PRKCE: variants seen among roughly 807,000 people sequenced by gnomAD.
The protein encoded by PRKCE is protein kinase C epsilon, also known as protein kinase C epsilon type.
A neutral mutation model predicts 85.4 loss-of-function variants in PRKCE; 16 were observed. The ratio of observed to expected loss-of-function variants is 0.19; its 90% CI spans 0.13 to 0.28. PRKCE has a LOEUF of 0.28. Ranked by LOEUF, PRKCE falls within the 10% of genes least tolerant of loss-of-function variation. The pLI is 1.00. For missense variants in PRKCE, 573 were observed against 975.2 expected, an observed-to-expected ratio of 0.59 and a Z score of 5.49; for synonymous variants, 388 against 371.5, an observed-to-expected ratio of 1.04 and a Z score of -0.51.
chr2:45,960,780 C>T (rs922271079), intron 2 of PRKCE, among the ~76,000 whole-genome samples: 12 of 152,204 alleles, frequency 7.9e-5, no homozygotes, highest in African/African-American at 2.9e-4. Flanking sequence ...GCCAAGCACC[C>T]ATCAGCCTTT....
chr2:46,034,949 A>G (rs1044634809), intron 10 of PRKCE, among the ~76,000 whole-genome samples: 3 of 152,330 alleles, frequency 2.0e-5, no homozygotes, highest in African/African-American at 2.4e-5. Flanking sequence ...TAGCCCTACT[A>G]TGTGTGGTCT....
intron 1 of PRKCE, among the ~76,000 whole-genome samples, chr2:45,671,517 A>G (rs1676158263): frequency 6.6e-6 from 1 of 152,206 alleles, no homozygotes; most frequent in Non-Finnish European, 1.5e-5. Flanking sequence ...AGGCAATCAA[A>G]TGAATCAAAA....
intron 2 of PRKCE, among the ~76,000 whole-genome samples, chr2:45,889,159 G>T (rs747349599): frequency 4.6e-5 from 7 of 152,222 alleles, no homozygotes; most frequent in Non-Finnish European, 1.0e-4. Flanking sequence ...TGGGGCAGGA[G>T]CTCAGCGACT....
At chr2:45,900,004 A>T (rs1573802758) in intron 2 of PRKCE, among the ~76,000 whole-genome samples, 1 of 152,292 alleles carries the variant, frequency 6.6e-6, no homozygotes, top group Middle Eastern at 3.4e-3. Context: ...CTGACTATAT[A>T]TTGCACAGTA....
chr2:45,990,460 A>G (rs1243127239), intron 6 of PRKCE, among the ~76,000 whole-genome samples: 2 of 152,164 alleles, frequency 1.3e-5, no homozygotes, highest in African/African-American at 4.8e-5. Context: ...GGCAATCAGG[A>G]GGCAGCTTAG....
At chr2:45,794,082 G>C (rs1381095686) in intron 1 of PRKCE, among the ~76,000 whole-genome samples, 1 of 152,228 alleles carries the variant, frequency 6.6e-6, no homozygotes, top group African/African-American at 2.4e-5. Flanking sequence ...CCCAGCTAGA[G>C]AAGCAGGGAG....
rs527960368 is a variant in PRKCE at position 46,017,476 on chromosome 2, C to T, written c.1437+6959C>T. On this transcript the variant is annotated intron_variant, in intron 10 of 14. Coordinates refer to ENST00000306156, the MANE Select transcript of PRKCE (RefSeq NM_005400.3). ...CTATGGATGGACATTTTGACTTCCA[C>T]GTTTTGGCTACTATGAATAATGCTG... is the stretch of plus-strand genomic sequence containing the variant. Among the ~76,000 whole-genome samples, 9 of 152,296 alleles carry T rather than the reference C, an allele frequency of 5.9e-5. 1 individual carries two copies. The highest frequency in any genetic ancestry group is 2.1e-4 in the South Asian group (1 of 4,820).
intron 14 of PRKCE, among the ~76,000 whole-genome samples, chr2:46,183,535 G>T (rs1558538240): frequency 6.6e-6 from 1 of 152,060 alleles, no homozygotes; most frequent in Non-Finnish European, 1.5e-5. Context: ...AATCTTCTGG[G>T]CATTGTGCTC....
At chr2:45,934,198 A>C (rs994544693) in intron 2 of PRKCE, among the ~76,000 whole-genome samples, 1 of 152,138 alleles carries the variant, frequency 6.6e-6, no homozygotes, top group Non-Finnish European at 1.5e-5. Flanking sequence ...TTCTGTCCCC[A>C]CCAGTAGTTG....
At position 45,651,830 on chromosome 2, in the gene PRKCE, C is replaced by G. The variant is rs1042577196; in HGVS notation, c.-271C>G. On this transcript the variant is annotated 5_prime_UTR_variant, in exon 1 of 15. Coordinates refer to ENST00000306156, the MANE Select transcript of PRKCE (RefSeq NM_005400.3). ...CTCGTCTTCTCTTCTGGAGGTGCAG[C>G]TGGTGGTCGGGGGGAGAGACTTGCT... 1 of 339,018 alleles carries G rather than the reference C, an allele frequency of 2.9e-6. No homozygotes were observed. Among genetic ancestry groups the G allele is most frequent in the African/African-American group, 2.1e-5 (1 of 47,650 alleles). 21.0% of individuals were successfully genotyped at this position (339,018 alleles called of 1,614,324 possible). A position where few individuals can be genotyped will look rare whatever the true frequency, so the allele number is the denominator to read the frequency against.
rs1399986834 is a variant in PRKCE, at chr2:46,185,518, T to C, written c.*637T>C. ...CATGCCAAAGTCATGTAAGTTTGTG[T>C]CTTGTGGAAGAAATCCTCTTTGTGG... On this transcript the variant is annotated 3_prime_UTR_variant, in exon 15 of 15. Transcript: ENST00000306156. This position sits in a 1 kb window ranked among gnomAD's most constrained non-coding sequence, Gnocchi z 4.7. 6.5e-6 allele frequency: 1 copy of C among 152,708 alleles called. No individual in the cohort carries two copies. Among genetic ancestry groups the C allele is most frequent in the African/African-American group, 2.4e-5 (1 of 41,472 alleles). The allele number at this position is 152,708 out of a possible 1,614,324, so 9.5% of individuals were successfully genotyped here. A position where few individuals can be genotyped will look rare whatever the true frequency, so the allele number is the denominator to read the frequency against.
intron 1 of PRKCE, among the ~76,000 whole-genome samples, chr2:45,744,138 G>T (rs1410741514): frequency 6.6e-6 from 1 of 152,024 alleles, no homozygotes; most frequent in Admixed American, 6.6e-5. Context: ...TAGTGTCCTT[G>T]TCAAATGGGA....
chr2:45,843,284 A>G (rs1691509117), intron 2 of PRKCE, among the ~76,000 whole-genome samples: 2 of 152,256 alleles, frequency 1.3e-5, no homozygotes, highest in Admixed American at 1.3e-4. Context: ...GGACTTACCA[A>G]GTGAGGCCAA....
chr2:46,184,599 GC>G lies in PRKCE; in HGVS notation c.2068-132del, dbSNP rs1392703227. On this transcript the variant is annotated intron_variant, in intron 14 of 14. Coordinates refer to ENST00000306156, the MANE Select transcript of PRKCE (RefSeq NM_005400.3). The surrounding 1 kb of genome is among the most constrained non-coding windows in gnomAD (Gnocchi z 5.0). ...CATCCATCGTTACCTCATCGGGACA[GC>G]CCCGTGTCTGCTGTCTGTTGGTAGC... The G allele has an allele frequency of 1.8e-6, 2 of 1,122,364 alleles. No homozygotes were observed. The highest frequency in any genetic ancestry group is 1.5e-5 in the South Asian group (1 of 66,912). 69.5% of individuals were successfully genotyped at this position (1,122,364 alleles called of 1,614,324 possible).
chr2:46,143,933 A>T (rs1218433426), intron 11 of PRKCE, among the ~76,000 whole-genome samples: 1 of 152,180 alleles, frequency 6.6e-6, no homozygotes, highest in Non-Finnish European at 1.5e-5. Context: ...CGGAGTTCAC[A>T]TCTTGACGCC....
At chr2:46,069,243 C>T (rs1422048865) in intron 10 of PRKCE, among the ~76,000 whole-genome samples, 7 of 152,184 alleles carry the variant, frequency 4.6e-5, no homozygotes, top group Admixed American at 3.9e-4. Context: ...ACCTGTTGCT[C>T]ACCACCTGGA....
At chr2:46,058,573 G>T (rs984081267) in intron 10 of PRKCE, among the ~76,000 whole-genome samples, 2 of 152,178 alleles carry the variant, frequency 1.3e-5, no homozygotes, top group African/African-American at 2.4e-5. Flanking sequence ...AGATGTGAAC[G>T]CCAGACTCAT....
intron 1 of PRKCE, among the ~76,000 whole-genome samples, chr2:45,838,140 T>C (rs1691045526): frequency 6.6e-6 from 1 of 152,176 alleles, no homozygotes; most frequent in African/African-American, 2.4e-5. Context: ...GTCTGAGGTA[T>C]TGCTGTGCCT....
At chr2:45,725,330 A>G (rs2104498939) in intron 1 of PRKCE, among the ~76,000 whole-genome samples, 1 of 152,342 alleles carries the variant, frequency 6.6e-6, no homozygotes, top group South Asian at 2.1e-4. Flanking sequence ...CTAGTCAACC[A>G]GGAGTTCTGA....
Sources: allele counts gnomAD v4.1 joint callset (sites outside exome capture counted in the v4.1 genomes callset), GRCh38; gene constraint gnomAD v4.1.1; non-coding constraint Gnocchi (gnomAD v3.1); transcripts MANE v1.5; gene names NCBI Gene and HGNC (gene_info 2026-07-23, HGNC 2026-07-21).